The following NRXN3 variants were observed in gnomAD, a reference collection of about 807,000 sequenced individuals.
NRXN3 encodes the protein neurexin III.
In NRXN3, 32 loss-of-function variants were observed where a neutral mutation model predicts 137.6. That is an observed-to-expected ratio of 0.23 (90% CI 0.18 to 0.31). NRXN3 has a LOEUF of 0.31. Among genes scored for constraint, NRXN3 ranks in the 10% least tolerant of loss-of-function variants. The pLI, the probability that NRXN3 is intolerant of heterozygous loss-of-function variation, is 1.00. For synonymous variants in NRXN3, 798 were observed against 784.5 expected, an observed-to-expected ratio of 1.02 and a Z score of -0.29; for missense variants, 1,574 against 2,062.5, an observed-to-expected ratio of 0.76 and a Z score of 4.59.
chr14:78,552,550 C>T (rs1566727206), intron 4 of NRXN3, among the ~76,000 whole-genome samples: 1 of 152,122 alleles, frequency 6.6e-6, no homozygotes, highest in Non-Finnish European at 1.5e-5. Flanking sequence ...CCTGTAGCCC[C>T]AGCTACTCAG....
At chr14:78,339,799 A>G (rs927526266) in intron 4 of NRXN3, among the ~76,000 whole-genome samples, 18 of 152,110 alleles carry the variant, frequency 1.2e-4, no homozygotes, top group Non-Finnish European at 2.5e-4. Context: ...GGATTCTAAG[A>G]TTTTCTGGAA....
intron 4 of NRXN3, among the ~76,000 whole-genome samples, chr14:78,643,357 A>G (rs915234782): frequency 2.6e-5 from 4 of 152,166 alleles, no homozygotes; most frequent in African/African-American, 4.8e-5. Flanking sequence ...GGGAAACTGT[A>G]TACCTCAACT....
intron 4 of NRXN3, among the ~76,000 whole-genome samples, chr14:78,434,439 T>A (rs143161621): frequency 3.7e-4 from 57 of 152,276 alleles, no homozygotes; most frequent in African/African-American, 1.3e-3. Context: ...AATGACCCCA[T>A]CATAACTAAT....
intron 15 of NRXN3, among the ~76,000 whole-genome samples, chr14:79,296,406 A>G (rs958009678): frequency 6.6e-6 from 1 of 151,702 alleles, no homozygotes; most frequent in Non-Finnish European, 1.5e-5. Flanking sequence ...TTGAAGAATT[A>G]TTTCCACAGG....
At chr14:79,570,824 G>A (rs972095091) in intron 16 of NRXN3, among the ~76,000 whole-genome samples, 1 of 152,184 alleles carries the variant, frequency 6.6e-6, no homozygotes, top group Non-Finnish European at 1.5e-5. Context: ...TTCCTGGCTT[G>A]CAGTCAGCTG....
At chr14:79,662,538 A>G (rs1293777777) in intron 16 of NRXN3, among the ~76,000 whole-genome samples, 1 of 152,088 alleles carries the variant, frequency 6.6e-6, no homozygotes, top group Admixed American at 6.6e-5. Flanking sequence ...CAGCATCACC[A>G]TTTGCATCAT....
rs74772400 is a variant in NRXN3, at chr14:79,833,424, C to T, written c.4094-27918C>T. On this transcript the variant is annotated intron_variant, in intron 20 of 20. Transcript: ENST00000335750. ...TGTTGATTTTATGGTGCCTTTGCCT[C>T]GTAGGTATATATAACTCTGGAGTTT... 2.3e-3 allele frequency among the ~76,000 whole-genome samples: 351 copies of T among 152,066 alleles called. 13 individuals are homozygous for T. The East Asian group carries it at 0.045, about 20-fold the overall frequency.
intron 19 of NRXN3, among the ~76,000 whole-genome samples, chr14:79,704,000 A>G (rs972683025): frequency 6.6e-6 from 1 of 151,990 alleles, no homozygotes; most frequent in Non-Finnish European, 1.5e-5. Flanking sequence ...TACTCATACA[A>G]ACTCACAAGG....
At chr14:78,865,841 A>G (rs941355070) in intron 10 of NRXN3, among the ~76,000 whole-genome samples, 3 of 152,200 alleles carry the variant, frequency 2.0e-5, no homozygotes, top group Non-Finnish European at 4.4e-5. Context: ...ACATTTATTC[A>G]ATCAATGAGA....
chr14:78,769,426 C>T (rs1454617414), intron 8 of NRXN3, among the ~76,000 whole-genome samples: 1 of 152,200 alleles, frequency 6.6e-6, no homozygotes, highest in Admixed American at 6.5e-5. Flanking sequence ...CTAGGACTTA[C>T]ACATGTCTTT....
intron 6 of NRXN3, among the ~76,000 whole-genome samples, chr14:78,685,194 T>A (rs1336227928): frequency 1.3e-5 from 2 of 152,226 alleles, no homozygotes; most frequent in African/African-American, 2.4e-5. Context: ...TCATTTCTCA[T>A]TGCATTGGTG....
chr14:79,810,875 C>T (rs945482245), intron 20 of NRXN3, among the ~76,000 whole-genome samples: 3 of 152,114 alleles, frequency 2.0e-5, no homozygotes, highest in Non-Finnish European at 2.9e-5. Flanking sequence ...GAAGTTTATA[C>T]CAGAATTTAT....
intron 12 of NRXN3, 64 bp downstream of exon 12, chr14:78,966,470 A>G (rs374081543): frequency 5.8e-5 from 88 of 1,511,160 alleles, no homozygotes; most frequent in South Asian, 5.6e-4. Flanking sequence ...TACGTAAAAT[A>G]TGGACATAAA....
At chr14:79,062,990 G>A (rs954954083) in intron 15 of NRXN3, among the ~76,000 whole-genome samples, 1 of 152,138 alleles carries the variant, frequency 6.6e-6, no homozygotes, top group East Asian at 1.9e-4. Flanking sequence ...TTGAGAAAGG[G>A]GGGGAGGAGT....
intron 15 of NRXN3, among the ~76,000 whole-genome samples, chr14:79,085,902 A>C (rs2048003803): frequency 6.6e-6 from 1 of 152,190 alleles, no homozygotes; most frequent in Non-Finnish European, 1.5e-5. Flanking sequence ...GTTCAGCTGG[A>C]ATGATTCTGA....
chr14:78,852,878 C>CTTT (rs201617179), intron 10 of NRXN3, among the ~76,000 whole-genome samples: 1 of 142,376 alleles, frequency 7.0e-6, no homozygotes, highest in Non-Finnish European at 1.5e-5. Flanking sequence ...TGGTTAGTTT[C>CTTT]TTTTTTTTTT....
chr14:79,142,379 T>C (rs1304051768), intron 15 of NRXN3, among the ~76,000 whole-genome samples: 2 of 150,540 alleles, frequency 1.3e-5, no homozygotes, highest in Non-Finnish European at 2.9e-5. Context: ...TGAGCCGAGA[T>C]GGCGCCACTG....
intron 4 of NRXN3, among the ~76,000 whole-genome samples, chr14:78,517,497 C>T (rs1485220062): frequency 6.6e-6 from 1 of 152,134 alleles, no homozygotes; most frequent in Non-Finnish European, 1.5e-5. Context: ...TGTCATGAAA[C>T]AGACTCCCTA....
At chr14:79,716,303 C>T (rs1273880558) in intron 19 of NRXN3, among the ~76,000 whole-genome samples, 2 of 152,130 alleles carry the variant, frequency 1.3e-5, no homozygotes, top group Non-Finnish European at 2.9e-5. Flanking sequence ...CTCAATTTTG[C>T]ACGGTACATG....
Sources: gnomAD v4.1 joint callset for allele counts (sites outside exome capture counted in the v4.1 genomes callset) on GRCh38, gnomAD v4.1.1 for gene constraint, MANE v1.5 for transcripts, NCBI Gene and HGNC (gene_info 2026-07-23, HGNC 2026-07-21) for gene names.